MACC1: variants seen among roughly 807,000 people sequenced by gnomAD.
MACC1 encodes the protein metastasis-associated in colon cancer protein 1.
A neutral mutation model predicts 70.7 loss-of-function variants in MACC1; 79 were observed. The observed-to-expected ratio is 1.12, with a 90% CI of 0.93 to 1.35. The LOEUF (loss-of-function observed/expected upper bound fraction) is 1.35. Ranked by LOEUF, MACC1 falls within the 40% of genes most tolerant of loss-of-function variation. The pLI is 0.00. For synonymous variants in MACC1, 361 were observed against 347.2 expected (o/e 1.04, Z -0.44); for missense variants, 1,106 against 978.1 (o/e 1.13, Z -1.74).
chr7:20,216,024 A>G (rs958370815), intron 1 of MACC1, among the ~76,000 whole-genome samples: 6 of 152,148 alleles, frequency 3.9e-5, no homozygotes, highest in African/African-American at 1.4e-4. Flanking sequence ...TACCCATGAA[A>G]TCATATTAAA....
chr7:20,192,307 T>A (rs1003111045), intron 1 of MACC1, among the ~76,000 whole-genome samples: 27 of 152,214 alleles, frequency 1.8e-4, no homozygotes, highest in African/African-American at 6.3e-4. Flanking sequence ...TAGCCTCTAA[T>A]TCTTTGCTAT....
chr7:20,196,912 A>G (rs1194027652), intron 1 of MACC1, among the ~76,000 whole-genome samples: 1 of 152,102 alleles, frequency 6.6e-6, no homozygotes, highest in Non-Finnish European at 1.5e-5. Context: ...TTCTCAAGTC[A>G]CCCCACAAAA....
chr7:20,182,074 A>G (rs1782517687), intron 1 of MACC1, among the ~76,000 whole-genome samples: 1 of 151,570 alleles, frequency 6.6e-6, no homozygotes, highest in Non-Finnish European at 1.5e-5. Flanking sequence ...CATCATTCTC[A>G]GCAAACTATC....
intron 1 of MACC1, among the ~76,000 whole-genome samples, chr7:20,192,300 C>T (rs1450867721): frequency 1.3e-5 from 2 of 152,142 alleles, no homozygotes; most frequent in Non-Finnish European, 2.9e-5. Flanking sequence ...TTAATGATAG[C>T]CTCTAATTCT....
chr7:20,191,003 C>T (rs73084515), intron 1 of MACC1, among the ~76,000 whole-genome samples: 5 of 152,278 alleles, frequency 3.3e-5, no homozygotes, highest in East Asian at 1.9e-4. Context: ...GATATAATCA[C>T]CATTCTGTCA....
intron 5 of MACC1, among the ~76,000 whole-genome samples, chr7:20,155,597 A>G (rs1317517725): frequency 6.6e-6 from 1 of 152,198 alleles, no homozygotes; most frequent in Non-Finnish European, 1.5e-5. Flanking sequence ...GTAGCCCCTC[A>G]TTATTTAATG....
Position 20,158,401 on chromosome 7 carries a change from A to C in MACC1, c.1960T>G (p.Leu654Val). The C allele has an allele frequency of 6.2e-7, 1 of 1,613,900 alleles. No homozygotes were observed. Among genetic ancestry groups the C allele is most frequent in the Non-Finnish European group, 8.5e-7 (1 of 1,179,960 alleles). Residue 654 changes from leucine (L) to valine (V), a missense_variant, in exon 5 of 7, where the codon TTA becomes GTA. Transcript: ENST00000400331. The stretch of plus-strand genomic sequence containing the variant: ...TAAACTTTTTCTGACACCAAGGTTA[A>C]TACAACTGAGTAGATATAAGTCAAT... ...KKLTYIYSVV[L>V]TLVSEKVYDW...
At chr7:20,191,898 A>G (rs1782678736) in intron 1 of MACC1, among the ~76,000 whole-genome samples, 1 of 152,234 alleles carries the variant, frequency 6.6e-6, no homozygotes, top group Non-Finnish European at 1.5e-5. Context: ...GTTTTTCTGT[A>G]GTATTTATTT....
chr7:20,168,789 T>G lies in MACC1; in HGVS notation c.-153+1925A>C, dbSNP rs191440287. ...CCTAGTCCAGTAAAGCCCACTATGCTTGGTTCCTCTCAACAGAGTTTCCCT... is the reference window on the plus strand; with the variant it reads ...CCTAGTCCAGTAAAGCCCACTATGCGTGGTTCCTCTCAACAGAGTTTCCCT... On this transcript the variant is annotated intron_variant, in intron 2 of 6. Coordinates refer to ENST00000400331, the MANE Select transcript of MACC1 (RefSeq NM_182762.4). Among the ~76,000 whole-genome samples, 116 of 152,344 alleles carry G rather than the reference T, an allele frequency of 7.6e-4. No individual in the cohort carries two copies. The Middle Eastern group carries it at 0.02, about 27-fold the overall frequency.
intron 3 of MACC1, among the ~76,000 whole-genome samples, chr7:20,163,020 TG>T (rs1782160751): frequency 6.6e-6 from 1 of 152,002 alleles, no homozygotes; most frequent in Non-Finnish European, 1.5e-5. Flanking sequence ...TGCACATGAC[TG>T]AAAAAGGAAA....
intron 1 of MACC1, among the ~76,000 whole-genome samples, chr7:20,208,622 G>C (rs1187378631): frequency 6.6e-6 from 1 of 152,202 alleles, no homozygotes; most frequent in Non-Finnish European, 1.5e-5. Context: ...ACGCATAAAA[G>C]TTTGGAAAAT....
chr7:20,150,288 TA>T, intron 6 of MACC1: 1 of 152,186 alleles, frequency 6.6e-6, no homozygotes, highest in Non-Finnish European at 1.5e-5. Flanking sequence ...GAATAAGCGT[TA>T]AGTATATGGA....
intron 1 of MACC1, among the ~76,000 whole-genome samples, chr7:20,185,704 G>C (rs1011517106): frequency 1.4e-4 from 22 of 152,274 alleles, no homozygotes; most frequent in African/African-American, 4.8e-4. Context: ...ACTGTCCAAT[G>C]TACGTTAACT....
intron 1 of MACC1, among the ~76,000 whole-genome samples, chr7:20,175,510 C>T (rs957378955): frequency 6.6e-5 from 10 of 151,944 alleles, no homozygotes; most frequent in Admixed American, 1.3e-4. Context: ...ATATATATAA[C>T]TCTTGATATA....
intron 1 of MACC1, among the ~76,000 whole-genome samples, chr7:20,206,414 T>C (rs1428710803): frequency 5.3e-5 from 8 of 152,122 alleles, no homozygotes; most frequent in Non-Finnish European, 8.8e-5. Context: ...CTTCCCTTCT[T>C]GAGAAGTTCT....
chr7:20,217,277 T>C (rs1049960272), intron 1 of MACC1, 22 bp downstream of exon 1: 1 of 152,218 alleles, frequency 6.6e-6, no homozygotes, highest in Non-Finnish European at 1.5e-5. Context: ...AGGAATATTA[T>C]TTTTAAAAAA....
At chr7:20,172,958 T>G (rs369295822) in intron 1 of MACC1, among the ~76,000 whole-genome samples, 1 of 152,334 alleles carries the variant, frequency 6.6e-6, no homozygotes, top group Admixed American at 6.5e-5. Flanking sequence ...GGGGTCTTCC[T>G]GGACTGCTGT....
At chr7:20,156,865 C>G (rs796419187) in intron 5 of MACC1, among the ~76,000 whole-genome samples, 12 of 152,290 alleles carry the variant, frequency 7.9e-5, no homozygotes, top group African/African-American at 2.6e-4. Context: ...AAACTTTGCT[C>G]CTTTGCATGA....
At chr7:20,204,191 G>A (rs1241308585) in intron 1 of MACC1, among the ~76,000 whole-genome samples, 1 of 152,044 alleles carries the variant, frequency 6.6e-6, no homozygotes, top group South Asian at 2.1e-4. Context: ...GTCTTGCTCT[G>A]TTGCACAGGC....
Sources: gnomAD v4.1 joint callset for allele counts (sites outside exome capture counted in the v4.1 genomes callset) on GRCh38, gnomAD v4.1.1 for gene constraint, MANE v1.5 for transcripts, NCBI Gene and HGNC (gene_info 2026-07-23, HGNC 2026-07-21) for gene names.